DPYD: variants seen among roughly 807,000 people sequenced by gnomAD.
The protein encoded by DPYD is dihydropyrimidine dehydrogenase [NADP(+)].
DPYD carries 109 observed loss-of-function variants against 116.2 expected under a neutral mutation model. That is an observed-to-expected ratio of 0.94 (90% CI 0.80 to 1.10). DPYD has a LOEUF of 1.10. Ranked by LOEUF, DPYD falls within the 50% of genes least tolerant of loss-of-function variation. DPYD has a pLI of 0.00. For missense variants in DPYD, 1,302 were observed against 1,254.5 expected (o/e 1.04, Z -0.57); for synonymous variants, 440 against 432.0 (o/e 1.02, Z -0.23).
intron 19 of DPYD, among the ~76,000 whole-genome samples, chr1:97,221,232 CA>C (rs1215716908): frequency 6.6e-6 from 1 of 152,142 alleles, no homozygotes; most frequent in Non-Finnish European, 1.5e-5. Context: ...CAAGCTTTCA[CA>C]CGTTTATTAT....
At chr1:97,224,326 T>G (rs901399279) in intron 19 of DPYD, among the ~76,000 whole-genome samples, 4 of 152,062 alleles carry the variant, frequency 2.6e-5, no homozygotes, top group African/African-American at 9.7e-5. Flanking sequence ...GTACCCAGAT[T>G]ACTCTCTAGC....
At chr1:97,720,891 C>T (rs1278948835) in intron 5 of DPYD, 1 of 1,609,312 alleles carries the variant, frequency 6.2e-7, no homozygotes, top group African/African-American at 1.3e-5. Context: ...AAAGTCTTTA[C>T]AAATGATTCA....
intron 8 of DPYD, among the ~76,000 whole-genome samples, chr1:97,603,434 A>G (rs371179420): frequency 6.6e-6 from 1 of 152,048 alleles, no homozygotes; most frequent in South Asian, 2.1e-4. Context: ...GACATTAAAA[A>G]AGTAATTAAA....
chr1:97,258,613 C>T (rs940083047), intron 18 of DPYD, among the ~76,000 whole-genome samples: 5 of 152,114 alleles, frequency 3.3e-5, no homozygotes, highest in African/African-American at 1.2e-4. Flanking sequence ...TCAGGCTTTG[C>T]TTTTGTAAGA....
intron 13 of DPYD, among the ~76,000 whole-genome samples, chr1:97,459,567 G>A (rs1386730346): frequency 6.6e-6 from 1 of 152,060 alleles, no homozygotes; most frequent in Non-Finnish European, 1.5e-5. Flanking sequence ...AGCAGATTGA[G>A]AGCTCACTTC....
At chr1:97,677,678 C>T (rs1660218005) in intron 8 of DPYD, among the ~76,000 whole-genome samples, 1 of 151,968 alleles carries the variant, frequency 6.6e-6, no homozygotes. Flanking sequence ...ACAATGGCAC[C>T]CAAAATTTTC....
At chr1:97,873,640 C>T (rs1170665987) in intron 2 of DPYD, among the ~76,000 whole-genome samples, 9 of 151,278 alleles carry the variant, frequency 5.9e-5, no homozygotes, top group Admixed American at 5.9e-4. Context: ...CACCAAGCTT[C>T]GTATTTCCCA....
intron 11 of DPYD, among the ~76,000 whole-genome samples, chr1:97,560,729 T>C (rs570088332): frequency 6.6e-6 from 1 of 152,176 alleles, no homozygotes; most frequent in East Asian, 1.9e-4. Flanking sequence ...GTGAAAATGG[T>C]TATGAATAGG....
chr1:97,480,805 A>G (rs898640725), intron 13 of DPYD, among the ~76,000 whole-genome samples: 2 of 152,090 alleles, frequency 1.3e-5, no homozygotes, highest in African/African-American at 4.8e-5. Flanking sequence ...ACATGGTGAA[A>G]CCCCGTCTCT....
intron 21 of DPYD, among the ~76,000 whole-genome samples, chr1:97,084,630 A>C (rs1043808111): frequency 6.6e-6 from 1 of 152,152 alleles, no homozygotes; most frequent in Non-Finnish European, 1.5e-5. Flanking sequence ...CATGCATTTA[A>C]TAGTTGATGA....
intron 3 of DPYD, among the ~76,000 whole-genome samples, chr1:97,808,668 ACTGGTCAGAACGAACATC>A (rs1668199368): frequency 6.6e-6 from 1 of 152,044 alleles, no homozygotes; most frequent in Non-Finnish European, 1.5e-5. Context: ...GCCAAAAAGC[ACTGGTCAGAACGAACATC>A]CTTGCCTTGT....
At chr1:97,578,061 G>T (rs1653392423) in intron 10 of DPYD, among the ~76,000 whole-genome samples, 1 of 151,938 alleles carries the variant, frequency 6.6e-6, no homozygotes, top group African/African-American at 2.4e-5. Context: ...GGCCAGGTTG[G>T]TCTCAAACTC....
intron 20 of DPYD, among the ~76,000 whole-genome samples, chr1:97,127,877 C>T (rs569761595): frequency 1.3e-5 from 2 of 152,208 alleles, no homozygotes; most frequent in East Asian, 3.9e-4. Context: ...GTATATTAAA[C>T]AGAGGCCATT....
At chr1:97,348,661 C>G (rs1464098723) in intron 16 of DPYD, among the ~76,000 whole-genome samples, 1 of 152,126 alleles carries the variant, frequency 6.6e-6, no homozygotes, top group African/African-American at 2.4e-5. Flanking sequence ...CCTACAATTT[C>G]TGTCCTTTTA....
chr1:97,585,084 A>G lies in DPYD; in HGVS notation c.1128+8134T>C, dbSNP rs1465048772. ...TTTCATATTAACTTAAAGTCTTCCT[A>G]TGAAGTTTTCAATGCTTTTAATATA... On this transcript the variant is annotated intron_variant, in intron 10 of 22. Coordinates refer to ENST00000370192, the MANE Select transcript of DPYD (RefSeq NM_000110.4). 2.0e-5 allele frequency among the ~76,000 whole-genome samples: 3 copies of G among 152,032 alleles called. No homozygotes were observed. In the East Asian group the frequency reaches 5.8e-4, roughly 29 times the overall value.
intron 13 of DPYD, among the ~76,000 whole-genome samples, chr1:97,507,705 G>C (rs1647449624): frequency 6.6e-6 from 1 of 151,912 alleles, no homozygotes; most frequent in Admixed American, 6.6e-5. Flanking sequence ...TCCTGACAAT[G>C]TTATTCCTCA....
chr1:97,827,938 C>G (rs377578640), intron 3 of DPYD, among the ~76,000 whole-genome samples, 176 bp downstream of exon 3: 2 of 152,178 alleles, frequency 1.3e-5, no homozygotes, highest in Non-Finnish European at 2.9e-5. Flanking sequence ...TGAGGCTTAA[C>G]ATTTATGCAG....
At chr1:97,591,841 G>T (rs2102247136) in intron 10 of DPYD, among the ~76,000 whole-genome samples, 1 of 151,006 alleles carries the variant, frequency 6.6e-6, no homozygotes, top group African/African-American at 2.4e-5. Context: ...TTCTTTCTAT[G>T]TGTAAAAAAA....
intron 18 of DPYD, among the ~76,000 whole-genome samples, chr1:97,260,904 G>A (rs1663831542): frequency 6.6e-6 from 1 of 152,086 alleles, no homozygotes; most frequent in Non-Finnish European, 1.5e-5. Context: ...GAAAGTACAT[G>A]GAGGCAGTAA....
Sources: allele counts gnomAD v4.1 joint callset (sites outside exome capture counted in the v4.1 genomes callset), GRCh38; gene constraint gnomAD v4.1.1; transcripts MANE v1.5; gene names NCBI Gene and HGNC (gene_info 2026-07-23, HGNC 2026-07-21).